The following DPP10 variants were observed in gnomAD, a reference collection of about 807,000 sequenced individuals.
DPP10 encodes the protein dipeptidyl peptidase like 10, also known as inactive dipeptidyl peptidase 10.
Under a neutral mutation model 120.9 loss-of-function variants are expected in DPP10, and 33 were observed. The ratio of observed to expected loss-of-function variants is 0.27; its 90% CI spans 0.21 to 0.37. DPP10 has a LOEUF of 0.37. DPP10 is among the 10% of genes least tolerant of loss of function. The pLI, the probability that DPP10 is intolerant of heterozygous loss-of-function variation, is 1.00. For missense variants in DPP10, 816 were observed against 942.8 expected, an observed-to-expected ratio of 0.87 and a Z score of 1.76; for synonymous variants, 337 against 326.1, an observed-to-expected ratio of 1.03 and a Z score of -0.36.
chr2:115,205,373 G>A (rs977002413), intron 1 of DPP10, among the ~76,000 whole-genome samples: 4 of 152,006 alleles, frequency 2.6e-5, no homozygotes, highest in Non-Finnish European at 4.4e-5. Context: ...ACTTATTTCT[G>A]TAGACTTTGT....
At chr2:114,784,156 A>G (rs1208493858) in intron 1 of DPP10, among the ~76,000 whole-genome samples, 1 of 152,098 alleles carries the variant, frequency 6.6e-6, no homozygotes. Context: ...CATTGGGATC[A>G]AGAACCTCCT....
chr2:115,403,482 C>G (rs2068269077), intron 3 of DPP10, among the ~76,000 whole-genome samples: 1 of 144,942 alleles, frequency 6.9e-6, no homozygotes. Flanking sequence ...TTACTGCAAC[C>G]TCCGCCTCCC....
intron 1 of DPP10, among the ~76,000 whole-genome samples, chr2:115,280,852 CT>C (rs952322274): frequency 5.3e-5 from 8 of 152,162 alleles, no homozygotes; most frequent in South Asian, 2.1e-4. Flanking sequence ...AACTTCATAT[CT>C]TTGTTCAGAT....
chr2:115,015,699 C>A (rs1029143284), intron 1 of DPP10, among the ~76,000 whole-genome samples: 8 of 152,084 alleles, frequency 5.3e-5, no homozygotes, highest in African/African-American at 1.9e-4. Context: ...ATCCTATACA[C>A]CAATAATAGA....
chr2:114,619,187 G>A (rs930118564), intron 1 of DPP10, among the ~76,000 whole-genome samples: 11 of 151,870 alleles, frequency 7.2e-5, no homozygotes, highest in African/African-American at 1.9e-4. Context: ...AACAGGAAGC[G>A]TTTCAGAATA....
chr2:114,516,362 C>T (rs1295249466), intron 1 of DPP10, among the ~76,000 whole-genome samples: 1 of 152,156 alleles, frequency 6.6e-6, no homozygotes, highest in African/African-American at 2.4e-5. Context: ...CATCCCCCTG[C>T]AAAGTCCATT....
intron 4 of DPP10, among the ~76,000 whole-genome samples, chr2:115,506,769 A>T (rs1442752344): frequency 6.6e-6 from 1 of 152,160 alleles, no homozygotes; most frequent in African/African-American, 2.4e-5. Context: ...TCAATCAACC[A>T]GTCTATCCAT....
intron 1 of DPP10, among the ~76,000 whole-genome samples, chr2:114,807,317 T>C (rs966158404): frequency 1.3e-5 from 2 of 152,192 alleles, no homozygotes; most frequent in African/African-American, 4.8e-5. Context: ...GTCTTACATT[T>C]TCATAACAGT....
intron 3 of DPP10, among the ~76,000 whole-genome samples, chr2:115,409,721 T>C (rs1035694979): frequency 2.6e-5 from 4 of 152,250 alleles, no homozygotes; most frequent in Non-Finnish European, 5.9e-5. Context: ...CACATGTTTA[T>C]AGCAGCACAA....
chr2:115,008,681 T>C (rs1702038453), intron 1 of DPP10, among the ~76,000 whole-genome samples: 1 of 115,626 alleles, frequency 8.6e-6, no homozygotes, highest in Non-Finnish European at 1.9e-5. Flanking sequence ...CCTACTCATC[T>C]GACAAAGGGC....
chr2:115,072,620 TACA>T (rs1707460271), intron 1 of DPP10, among the ~76,000 whole-genome samples: 2 of 152,272 alleles, frequency 1.3e-5, no homozygotes, highest in South Asian at 4.1e-4. Context: ...TGTGCCTACA[TACA>T]ACCTCAGAGA....
At chr2:115,113,889 C>T (rs2049361661) in intron 1 of DPP10, among the ~76,000 whole-genome samples, 1 of 152,072 alleles carries the variant, frequency 6.6e-6, no homozygotes, top group South Asian at 2.1e-4. Flanking sequence ...TATAATTGAT[C>T]ATACACATTG....
At chr2:114,818,035 G>T (rs1044091666) in intron 1 of DPP10, among the ~76,000 whole-genome samples, 4 of 152,012 alleles carry the variant, frequency 2.6e-5, no homozygotes, top group Admixed American at 2.6e-4. Flanking sequence ...GAAACATTCC[G>T]AACTAAGGAT....
At chr2:115,588,128 A>G (rs1002728939) in intron 5 of DPP10, among the ~76,000 whole-genome samples, 3 of 152,176 alleles carry the variant, frequency 2.0e-5, no homozygotes, top group Non-Finnish European at 4.4e-5. Context: ...AAGAAAATAA[A>G]CTGTTCTCTT....
chr2:114,920,961 A>T (rs116124624), intron 1 of DPP10, among the ~76,000 whole-genome samples: 2 of 152,318 alleles, frequency 1.3e-5, no homozygotes, highest in African/African-American at 2.4e-5. Context: ...CCATTTCCAG[A>T]TCCTTAACAT....
At chr2:115,657,861 T>C (rs190384426) in intron 5 of DPP10, among the ~76,000 whole-genome samples, 1 of 152,050 alleles carries the variant, frequency 6.6e-6, no homozygotes, top group Admixed American at 6.6e-5. Context: ...AGAAACAACC[T>C]TGTAAAAATA....
intron 5 of DPP10, among the ~76,000 whole-genome samples, chr2:115,585,671 T>G (rs766602745): frequency 1.3e-5 from 2 of 152,210 alleles, no homozygotes; most frequent in Non-Finnish European, 2.9e-5. Flanking sequence ...TCCATTGGTA[T>G]CTTCCCTACC....
intron 5 of DPP10, among the ~76,000 whole-genome samples, chr2:115,565,770 T>G (rs374826654): frequency 0.31 from 11,606 of 37,872 alleles, 535 homozygotes; most frequent in Middle Eastern, 0.48. Flanking sequence ...GTTTGTTTTG[T>G]TTTTTTTTGT....
chr2:115,480,335 A>G (rs181098642), intron 3 of DPP10, among the ~76,000 whole-genome samples: 4 of 152,282 alleles, frequency 2.6e-5, no homozygotes, highest in Admixed American at 6.5e-5. Flanking sequence ...GTGTTAAGAA[A>G]TGGCCCTTTC....
Sources: allele counts gnomAD v4.1 joint callset (sites outside exome capture counted in the v4.1 genomes callset), GRCh38; gene constraint gnomAD v4.1.1; transcripts MANE v1.5; gene names NCBI Gene and HGNC (gene_info 2026-07-23, HGNC 2026-07-21).